CNTN1: variants seen among roughly 807,000 people sequenced by gnomAD.
CNTN1 encodes contactin 1.
CNTN1 carries 38 observed loss-of-function variants against 126.4 expected under a neutral mutation model. The ratio of observed to expected loss-of-function variants is 0.30; its 90% confidence interval spans 0.23 to 0.39. The LOEUF (loss-of-function observed/expected upper bound fraction) is 0.39, where lower values mean the gene tolerates loss of function less well. Among genes scored for constraint, CNTN1 ranks in the 10% least tolerant of loss-of-function variants. The pLI, the probability that CNTN1 is intolerant of heterozygous loss-of-function variation, is 1.00. For missense variants in CNTN1, 1,009 were observed against 1,248.4 expected (o/e 0.81, Z 2.89); for synonymous variants, 413 against 422.6 (o/e 0.98, Z 0.28).
chr12:40,700,210 T>C (rs73108985), intron 1 of CNTN1, among the ~76,000 whole-genome samples: 1,784 of 152,296 alleles, frequency 0.012, 24 homozygotes, highest in African/African-American at 0.04. Context: ...TCCCTTACTT[T>C]TTTTTTAAAA....
chr12:40,993,150 C>T lies in CNTN1; in HGVS notation c.1994C>T (p.Ala665Val). The T allele has an allele frequency of 1.2e-6, 2 of 1,613,458 alleles. No individual in the cohort carries two copies. Among genetic ancestry groups the T allele is most frequent in the Non-Finnish European group, 1.7e-6 (2 of 1,179,434 alleles). Residue 665 changes from alanine to valine, a missense_variant, in exon 17 of 24, where the codon GCA (alanine) becomes GTA (valine). Ala to Val is a moderately conservative substitution (Grantham distance 64). Transcript: ENST00000551295. ...CCAATTATTGAAGGAAATATGGAGGCAGCAAGAGCAGTGGACTTAATCCCA... is the reference window on the plus strand; with the variant it reads ...CCAATTATTGAAGGAAATATGGAGGTAGCAAGAGCAGTGGACTTAATCCCA... ...DPPIIEGNMEAARAVDLIPWM... is the reference protein window; with the variant it reads ...DPPIIEGNMEVARAVDLIPWM...
At chr12:40,786,220 T>C (rs954798178) in intron 1 of CNTN1, among the ~76,000 whole-genome samples, 4 of 152,296 alleles carry the variant, frequency 2.6e-5, no homozygotes, top group African/African-American at 9.6e-5. Context: ...CTGAGCTCCT[T>C]ATTTTCTTGT....
rs1948737445 is a variant in CNTN1, at chr12:41,014,554, G to C, written c.2184+256G>C. ...TAGATGATTAAACATTCAGCTGTCTGATTCCAGAGATACTTTGATCATTGT... is the reference window on the plus strand; with the variant it reads ...TAGATGATTAAACATTCAGCTGTCTCATTCCAGAGATACTTTGATCATTGT... On this transcript the variant is annotated intron_variant, in intron 18 of 23. Transcript: ENST00000551295. Among the ~76,000 whole-genome samples, 6 of 152,182 alleles carry C rather than the reference G, an allele frequency of 3.9e-5. No homozygotes were observed. The South Asian group carries it at 1.2e-3, about 32-fold the overall frequency.
At chr12:40,770,784 C>T (rs1939306287) in intron 1 of CNTN1, among the ~76,000 whole-genome samples, 1 of 152,038 alleles carries the variant, frequency 6.6e-6, no homozygotes, top group African/African-American at 2.4e-5. Flanking sequence ...CTGAGACTGG[C>T]CTGACTTGAT....
At chr12:40,867,786 A>C (rs2136660796) in intron 1 of CNTN1, among the ~76,000 whole-genome samples, 1 of 152,090 alleles carries the variant, frequency 6.6e-6, no homozygotes, top group Non-Finnish European at 1.5e-5. Flanking sequence ...ACTTTGAATG[A>C]ATTTTTTCTC....
At chr12:40,988,150 G>A (rs553672588) in intron 16 of CNTN1, among the ~76,000 whole-genome samples, 5 of 152,206 alleles carry the variant, frequency 3.3e-5, no homozygotes, top group Admixed American at 2.0e-4. Flanking sequence ...GGCGATCCAT[G>A]GGTTGGGTCT....
chr12:40,724,473 T>C (rs191960207), intron 1 of CNTN1, among the ~76,000 whole-genome samples: 15 of 152,344 alleles, frequency 9.8e-5, no homozygotes, highest in Non-Finnish European at 1.0e-4. Flanking sequence ...GCCACTATCC[T>C]AGGCTATTGG....
chr12:40,703,339 T>C (rs776727149), intron 1 of CNTN1, among the ~76,000 whole-genome samples: 3 of 152,188 alleles, frequency 2.0e-5, no homozygotes, highest in Non-Finnish European at 2.9e-5. Context: ...GTAAAAACAT[T>C]TCAGTTAATT....
At chr12:41,043,969 A>G (rs1949483278) in intron 23 of CNTN1, among the ~76,000 whole-genome samples, 2 of 123,318 alleles carry the variant, frequency 1.6e-5, no homozygotes, top group African/African-American at 6.2e-5. Context: ...TGGACACAGG[A>G]AGGGGAACAT....
intron 17 of CNTN1, among the ~76,000 whole-genome samples, chr12:41,008,208 T>C (rs1172996161): frequency 6.6e-6 from 1 of 152,182 alleles, no homozygotes; most frequent in African/African-American, 2.4e-5. Context: ...CATTTGGAGT[T>C]TGATTGTTTC....
At chr12:41,069,886 C>T in intron 23 of CNTN1, 73 bp from the exon 24 acceptor site, 1 of 1,240,288 alleles carries the variant, frequency 8.1e-7, no homozygotes, top group Admixed American at 1.7e-5. Flanking sequence ...CTCGCCTTAG[C>T]TGAAGCAGAC....
intron 1 of CNTN1, among the ~76,000 whole-genome samples, chr12:40,833,260 A>G (rs542112911): frequency 3.9e-5 from 6 of 152,034 alleles, no homozygotes; most frequent in African/African-American, 1.4e-4. Context: ...ACATCTGGCT[A>G]ATTTTTGTAT....
At chr12:40,913,528 GT>G (rs1166715052) in intron 3 of CNTN1, among the ~76,000 whole-genome samples, 1 of 152,114 alleles carries the variant, frequency 6.6e-6, no homozygotes, top group Non-Finnish European at 1.5e-5. Flanking sequence ...ACATGCTTAT[GT>G]AAAATTGTGT....
intron 1 of CNTN1, among the ~76,000 whole-genome samples, chr12:40,885,399 A>G (rs1943995450): frequency 1.3e-5 from 2 of 151,906 alleles, no homozygotes; most frequent in African/African-American, 4.8e-5. Flanking sequence ...TATGATTTTC[A>G]ATTGGTGGGA....
intron 23 of CNTN1, among the ~76,000 whole-genome samples, chr12:41,052,039 T>G (rs533799619): frequency 3.9e-5 from 6 of 152,094 alleles, no homozygotes; most frequent in African/African-American, 1.2e-4. Flanking sequence ...ACACACACAC[T>G]CTAAATAGCT....
intron 1 of CNTN1, among the ~76,000 whole-genome samples, chr12:40,852,918 C>A (rs556143720): frequency 6.6e-6 from 1 of 150,864 alleles, no homozygotes; most frequent in East Asian, 1.9e-4. Context: ...AGAATTTGAT[C>A]TAGTATCTAC....
At chr12:40,949,426 TC>T (rs1167326797) in intron 14 of CNTN1, among the ~76,000 whole-genome samples, 13 of 44,750 alleles carry the variant, frequency 2.9e-4, no homozygotes, top group Admixed American at 6.9e-4. Flanking sequence ...CTACCCCCCC[TC>T]CCCCCACCCC....
At chr12:40,986,464 A>C (rs192350242) in intron 16 of CNTN1, among the ~76,000 whole-genome samples, 12 of 152,334 alleles carry the variant, frequency 7.9e-5, no homozygotes, top group Admixed American at 7.8e-4. Flanking sequence ...ATGTATGATC[A>C]GACCTCCTAC....
At chr12:40,871,585 TC>T (rs1484940437) in intron 1 of CNTN1, among the ~76,000 whole-genome samples, 3 of 152,148 alleles carry the variant, frequency 2.0e-5, no homozygotes, top group Non-Finnish European at 4.4e-5. Context: ...TTGTGCTTGA[TC>T]AACTGAGCGA....
Sources: gnomAD v4.1 joint callset for allele counts (sites outside exome capture counted in the v4.1 genomes callset) on GRCh38, gnomAD v4.1.1 for gene constraint, MANE v1.5 for transcripts, NCBI Gene and HGNC (gene_info 2026-07-23, HGNC 2026-07-21) for gene names.